Variants in DCLRE1C observed in about 807,000 individuals in gnomAD.
DCLRE1C encodes the protein DNA cross-link repair 1C.
A neutral mutation model predicts 61.4 loss-of-function variants in DCLRE1C; 47 were observed. The ratio of observed to expected loss-of-function variants is 0.77; its 90% CI spans 0.61 to 0.98. The LOEUF is 0.98. Among genes scored for constraint, DCLRE1C ranks in the 50% least tolerant of loss-of-function variants. DCLRE1C has a pLI of 0.00. For synonymous variants in DCLRE1C, 337 were observed against 287.6 expected, an observed-to-expected ratio of 1.17 and a Z score of -1.74; for missense variants, 858 against 816.0, an observed-to-expected ratio of 1.05 and a Z score of -0.63.
chr10:14,949,447 T>G (rs184831231), intron 1 of DCLRE1C, among the ~76,000 whole-genome samples: 101 of 152,306 alleles, frequency 6.6e-4, no homozygotes, highest in Admixed American at 1.5e-3. Context: ...ATGGGACCCA[T>G]TCACTTTCTG....
intron 2 of DCLRE1C, among the ~76,000 whole-genome samples, chr10:14,946,771 C>T (rs1841761421): frequency 6.6e-6 from 1 of 152,066 alleles, no homozygotes; most frequent in South Asian, 2.1e-4. Context: ...CACATGCCAC[C>T]ACACCTGGCT....
rs762566227 is a variant in DCLRE1C, at chr10:14,919,758, C to G, written c.1136G>C (p.Arg379Thr). 6.2e-7 allele frequency: 1 copy of G among 1,613,912 alleles called. No individual in the cohort carries two copies. Among genetic ancestry groups the G allele is most frequent in the Non-Finnish European group, 8.5e-7 (1 of 1,179,868 alleles). Reference protein sequence around the residue: ...YKPLGKLKRARTVHRDSEEED... With the variant: ...YKPLGKLKRATTVHRDSEEED... ...CTTACCTGAGTCTCGGTGAACTGTT[C>G]TAGCTCTCTTCAGTTTTCCCAGTGG... Residue 379 changes from arginine (R) to threonine (T), a missense_variant, in exon 13 of 14, where the codon AGA (arginine) becomes ACA (threonine). Coordinates refer to ENST00000378278, the MANE Select transcript of DCLRE1C (RefSeq NM_001033855.3).
In DCLRE1C at chr10:14,953,836, G is replaced by A. The variant is rs183833690; in HGVS notation, c.109+66C>T. 10 of 1,601,316 alleles carry A rather than the reference G, an allele frequency of 6.2e-6. No homozygotes were observed. In the East Asian group the frequency reaches 2.0e-4, roughly 32 times the overall value. On this transcript the variant is annotated intron_variant, in intron 1 of 13. Coordinates refer to ENST00000378278, the MANE Select transcript of DCLRE1C (RefSeq NM_001033855.3). ...GCTGCAGCTCCTTGCTCCAGGGCCG[G>A]CCCCCTCCTGTCCTCTCTCCAGCCC... is the stretch of plus-strand genomic sequence containing the variant.
chr10:14,952,898 CA>C (rs1458554826), intron 1 of DCLRE1C, among the ~76,000 whole-genome samples: 1 of 152,188 alleles, frequency 6.6e-6, no homozygotes, highest in African/African-American at 2.4e-5. Context: ...ATTCCACACA[CA>C]AAACAACATA....
chr10:14,934,677 A>T (rs750174650), intron 7 of DCLRE1C, 26 bp downstream of exon 7: 1 of 1,612,760 alleles, frequency 6.2e-7, no homozygotes, highest in Non-Finnish European at 8.5e-7. Context: ...CCCAGATGAT[A>T]ACCCTGTTCC....
intron 2 of DCLRE1C, among the ~76,000 whole-genome samples, chr10:14,947,246 A>C (rs559136052): frequency 4.7e-4 from 71 of 151,966 alleles, no homozygotes; most frequent in African/African-American, 1.7e-3. Context: ...AAACAAAAAA[A>C]CATGCCAAAT....
At chr10:14,944,810 G>A (rs1307260493) in intron 3 of DCLRE1C, among the ~76,000 whole-genome samples, 1 of 151,422 alleles carries the variant, frequency 6.6e-6, no homozygotes, top group African/African-American at 2.4e-5. Context: ...AAGTAGCTGG[G>A]ACTACAAGTG....
intron 3 of DCLRE1C, among the ~76,000 whole-genome samples, chr10:14,943,553 CT>C (rs1564466774): frequency 6.6e-6 from 1 of 152,040 alleles, no homozygotes; most frequent in Non-Finnish European, 1.5e-5. Flanking sequence ...ATTTGTCTAA[CT>C]TTTTTGTTTG....
chr10:14,920,517 G>A lies in DCLRE1C; in HGVS notation c.1062-685C>T, dbSNP rs558169700. 1.0e-4 allele frequency: 70 copies of A among 673,492 alleles called. No homozygotes were observed. The Middle Eastern group carries it at 3.0e-3, about 29-fold the overall frequency. The allele number at this position is 673,492 out of a possible 1,614,324, so 41.7% of individuals were successfully genotyped here. A position where few individuals can be genotyped will look rare whatever the true frequency, so the allele number is the denominator to read the frequency against. On this transcript the variant is annotated intron_variant, in intron 12 of 13. Coordinates refer to ENST00000378278, the MANE Select transcript of DCLRE1C (RefSeq NM_001033855.3). ...TTCTTTACAGCCACCCCCATTTTAC[G>A]TCCTCACCCCTGTTCCCACAGCTGT... is the stretch of plus-strand genomic sequence containing the variant.
intron 4 of DCLRE1C, among the ~76,000 whole-genome samples, chr10:14,939,443 CAAA>C (rs56689715): frequency 1.4e-5 from 2 of 140,284 alleles, no homozygotes; most frequent in Non-Finnish European, 1.5e-5. Context: ...GACTCTGTCT[CAAA>C]AAAAAAAAAG....
At chr10:14,897,370 G>A (rs751968771) in exon 14 of DCLRE1C, 11 of 1,613,140 alleles carry the variant, frequency 6.8e-6, no homozygotes, top group Non-Finnish European at 8.5e-6. Flanking sequence ...CAAGGTGTCA[G>A]TGTGGTCCTG....
At chr10:14,935,357 T>G (rs965883953) in intron 6 of DCLRE1C, 106 bp downstream of exon 6, 1 of 1,259,708 alleles carries the variant, frequency 7.9e-7, no homozygotes, top group African/African-American at 1.5e-5. Context: ...TCCCAGCTAC[T>G]TGGGAGGCTG....
At chr10:14,952,264 G>T (rs543483088) in intron 1 of DCLRE1C, among the ~76,000 whole-genome samples, 1 of 152,142 alleles carries the variant, frequency 6.6e-6, no homozygotes, top group South Asian at 2.1e-4. Context: ...GCATATCCTC[G>T]TCCAGCAGTG....
Position 14,953,568 on chromosome 10 carries a change from T to C in DCLRE1C, c.109+334A>G, listed in dbSNP as rs41304294. On this transcript the variant is annotated intron_variant, in intron 1 of 13. Coordinates refer to ENST00000378278, the MANE Select transcript of DCLRE1C (RefSeq NM_001033855.3). The stretch of plus-strand genomic sequence containing the variant: ...TCAAATGGATCTGAAACTTGTTTTC[T>C]TCATACATGGTAGCGAGGCTCTGAG... Among the ~76,000 whole-genome samples the C allele has an allele frequency of 9.7e-3, 1,471 of 152,168 alleles. 40 individuals are homozygous for C. Among genetic ancestry groups the C allele is most frequent in the Admixed American group, 0.054 (828 of 15,266 alleles).
In DCLRE1C at chr10:14,932,966, T is replaced by C; in HGVS notation, c.679-11A>G. The C allele has an allele frequency of 6.2e-7, 1 of 1,612,598 alleles. No homozygotes were observed. The highest frequency in any genetic ancestry group is 8.5e-7 in the Non-Finnish European group (1 of 1,178,540). ...CTTATTCACATGAACCTAAGGCAAA[T>C]AATACATACATGCAAATTATGTGAA... On this transcript the variant is annotated splice_polypyrimidine_tract_variant and intron_variant, in intron 8 of 13. Transcript: ENST00000378278.
chr10:14,948,882 G>A (rs957145079), intron 2 of DCLRE1C, among the ~76,000 whole-genome samples, 154 bp downstream of exon 2: 1 of 152,060 alleles, frequency 6.6e-6, no homozygotes, highest in Non-Finnish European at 1.5e-5. Flanking sequence ...GGAGGTAAGA[G>A]GGGTCTGGGA....
chr10:14,897,706 T>TA (rs1833683550), exon 14 of DCLRE1C: 1 of 414,338 alleles, frequency 2.4e-6, no homozygotes, highest in East Asian at 3.8e-5. Flanking sequence ...TTTATATGAA[T>TA]AAAAAATATA....
intron 9 of DCLRE1C, among the ~76,000 whole-genome samples, chr10:14,928,868 T>C (rs1277458196): frequency 1.3e-5 from 2 of 151,060 alleles, no homozygotes; most frequent in Admixed American, 6.6e-5. Context: ...CTAAAACCTC[T>C]GCCTTCTGGG....
At chr10:14,916,137 G>A (rs114923932) in intron 13 of DCLRE1C, among the ~76,000 whole-genome samples, 1 of 152,144 alleles carries the variant, frequency 6.6e-6, no homozygotes, top group East Asian at 1.9e-4. Context: ...ATACTTAATG[G>A]TGAAATAATG....
Sources: allele counts gnomAD v4.1 joint callset (sites outside exome capture counted in the v4.1 genomes callset), GRCh38; gene constraint gnomAD v4.1.1; transcripts MANE v1.5; gene names NCBI Gene and HGNC (gene_info 2026-07-23, HGNC 2026-07-21).